The following DPYSL2 variants were observed in gnomAD, a reference collection of about 807,000 sequenced individuals.
DPYSL2 encodes the protein dihydropyrimidinase-related protein 2.
In DPYSL2, 13 loss-of-function variants were observed where a neutral mutation model predicts 69.9. That is an observed-to-expected ratio of 0.19 (90% confidence interval 0.12 to 0.30). The LOEUF is 0.30. DPYSL2 is among the 10% of genes least tolerant of loss of function. The pLI, the probability that DPYSL2 is intolerant of heterozygous loss-of-function variation, is 1.00. For missense variants in DPYSL2, 587 were observed against 918.9 expected (o/e 0.64, Z 4.67); for synonymous variants, 326 against 359.1 (o/e 0.91, Z 1.04).
intron 1 of DPYSL2, among the ~76,000 whole-genome samples, chr8:26,515,452 A>AG (rs1056446541): frequency 3.3e-5 from 5 of 152,228 alleles, no homozygotes; most frequent in African/African-American, 1.2e-4. Flanking sequence ...AGGGTCAAAA[A>AG]GACAAGAAAA....
At chr8:26,547,303 C>T (rs1270933427) in intron 1 of DPYSL2, among the ~76,000 whole-genome samples, 1 of 151,430 alleles carries the variant, frequency 6.6e-6, no homozygotes, top group Non-Finnish European at 1.5e-5. Flanking sequence ...GTGGAGGTTG[C>T]AGTGAGCCAA....
At chr8:26,567,960 C>T (rs751583195) in intron 1 of DPYSL2, among the ~76,000 whole-genome samples, 2 of 152,164 alleles carry the variant, frequency 1.3e-5, no homozygotes, top group East Asian at 1.9e-4. Context: ...GAGAGAACTC[C>T]TGAGCCCCGA....
intron 11 of DPYSL2, among the ~76,000 whole-genome samples, chr8:26,649,645 AG>A (rs1289673282): frequency 6.6e-6 from 1 of 152,236 alleles, no homozygotes; most frequent in African/African-American, 2.4e-5. Flanking sequence ...TTCCCTGCAT[AG>A]TACAGTGTTT....
At chr8:26,628,069 T>G (rs1039599768) in intron 7 of DPYSL2, 129 bp downstream of exon 7, 10 of 918,338 alleles carry the variant, frequency 1.1e-5, no homozygotes, top group Non-Finnish European at 1.5e-5. Context: ...TCTGAGAAGC[T>G]GTGGGTCACG....
chr8:26,524,050 G>T (rs1393242747), intron 1 of DPYSL2, among the ~76,000 whole-genome samples: 1 of 152,190 alleles, frequency 6.6e-6, no homozygotes, highest in African/African-American at 2.4e-5. Context: ...AAGTGGAATT[G>T]CTAGATAATT....
At chr8:26,655,206 A>G (rs906005878) in intron 13 of DPYSL2, among the ~76,000 whole-genome samples, 1 of 152,128 alleles carries the variant, frequency 6.6e-6, no homozygotes, top group African/African-American at 2.4e-5. Flanking sequence ...AGAAGAACAA[A>G]GAATGTGAGG....
intron 1 of DPYSL2, among the ~76,000 whole-genome samples, chr8:26,576,496 G>A (rs1274842847): frequency 6.6e-6 from 1 of 152,044 alleles, no homozygotes; most frequent in Non-Finnish European, 1.5e-5. Context: ...AACCTCCCAC[G>A]GGGGTTGGCC....
chr8:26,616,829 A>T (rs1281413859), intron 3 of DPYSL2, among the ~76,000 whole-genome samples: 3 of 151,648 alleles, frequency 2.0e-5, no homozygotes. Context: ...GTATAACCCC[A>T]AGGTGGGATC....
intron 3 of DPYSL2, among the ~76,000 whole-genome samples, chr8:26,622,261 TC>T (rs1418780729): frequency 6.6e-6 from 1 of 151,852 alleles, no homozygotes. Flanking sequence ...TGTCAACTTT[TC>T]TACATCAGCA....
intron 1 of DPYSL2, among the ~76,000 whole-genome samples, chr8:26,529,446 A>G (rs1235209972): frequency 1.3e-5 from 2 of 151,954 alleles, no homozygotes; most frequent in East Asian, 3.9e-4. Context: ...TTTCTTGAGT[A>G]GCTGGGACTA....
chr8:26,529,236 C>CTATCTATT (rs1800449050), intron 1 of DPYSL2, among the ~76,000 whole-genome samples: 1 of 82,800 alleles, frequency 1.2e-5, no homozygotes, highest in African/African-American at 3.5e-5. Flanking sequence ...AAATTTAAAT[C>CTATCTATT]TATCTATCTA....
At position 26,623,791 on chromosome 8, in the gene DPYSL2, C is replaced by T. The variant is rs996980858; in HGVS notation, c.629-352C>T. ...GGCGTCTCATAAGCTGCTTTCAACA[C>T]AAAGAAGGGTTTGGCTGCTCCCCGG... is the stretch of plus-strand genomic sequence containing the variant. On this transcript the variant is annotated intron_variant, in intron 3 of 13. Coordinates refer to ENST00000521913, the MANE Select transcript of DPYSL2 (RefSeq NM_001197293.3). 3 of 215,162 alleles carry T rather than the reference C, an allele frequency of 1.4e-5. No homozygotes were observed. The South Asian group carries it at 2.4e-4, about 17-fold the overall frequency. 13.3% of individuals were successfully genotyped at this position (215,162 alleles called of 1,614,324 possible). A position where few individuals can be genotyped will look rare whatever the true frequency, so the allele number is the denominator to read the frequency against.
chr8:26,528,659 A>G (rs921378151), intron 1 of DPYSL2, among the ~76,000 whole-genome samples: 1 of 151,790 alleles, frequency 6.6e-6, no homozygotes, highest in African/African-American at 2.4e-5. Flanking sequence ...AAAAAAAAGA[A>G]AGAAAAGAAA....
At chr8:26,557,500 C>T (rs2129651267) in intron 1 of DPYSL2, among the ~76,000 whole-genome samples, 1 of 151,840 alleles carries the variant, frequency 6.6e-6, no homozygotes, top group Admixed American at 6.6e-5. Context: ...ACAATTAGAA[C>T]AGGCATGGTG....
chr8:26,589,384 A>G (rs1441440674), intron 3 of DPYSL2, among the ~76,000 whole-genome samples: 1 of 151,934 alleles, frequency 6.6e-6, no homozygotes, highest in Non-Finnish European at 1.5e-5. Context: ...ACATTTTCCT[A>G]TTTCCTGCCG....
rs184006506 is a variant in DPYSL2 at position 26,653,712 on chromosome 8, C to T, written c.1942+315C>T. 2.7e-3 allele frequency among the ~76,000 whole-genome samples: 416 copies of T among 152,282 alleles called. 3 individuals carry two copies. The highest frequency in any genetic ancestry group is 9.5e-3 in the African/African-American group (395 of 41,566). ...AGCTGGGATTACAGGCATGCACCACCATACCTGGCTAATTTTTGTATTTTT... is the reference window on the plus strand; with the variant it reads ...AGCTGGGATTACAGGCATGCACCACTATACCTGGCTAATTTTTGTATTTTT... On this transcript the variant is annotated intron_variant, in intron 13 of 13. Coordinates refer to ENST00000521913, the MANE Select transcript of DPYSL2 (RefSeq NM_001197293.3). The surrounding 1 kb of genome is among the most constrained non-coding windows in gnomAD (Gnocchi z 5.7).
intron 1 of DPYSL2, among the ~76,000 whole-genome samples, chr8:26,528,022 T>C (rs1453510573): frequency 6.6e-6 from 1 of 152,142 alleles, no homozygotes; most frequent in Non-Finnish European, 1.5e-5. Flanking sequence ...CAGCCTTGTA[T>C]TGAACTCCTG....
chr8:26,611,968 A>G (rs928954452), intron 3 of DPYSL2, among the ~76,000 whole-genome samples: 5 of 152,232 alleles, frequency 3.3e-5, no homozygotes, highest in Non-Finnish European at 5.9e-5. Flanking sequence ...AGGTTGATGA[A>G]GCTGGGAGAA....
In DPYSL2 at chr8:26,652,178, T is replaced by G; in HGVS notation, c.1597-79T>G. The G allele has an allele frequency of 7.3e-7, 1 of 1,369,138 alleles. No homozygotes were observed. 84.8% of individuals were successfully genotyped at this position (1,369,138 alleles called of 1,614,324 possible). On this transcript the variant is annotated intron_variant, in intron 11 of 13. Coordinates refer to ENST00000521913, the MANE Select transcript of DPYSL2 (RefSeq NM_001197293.3). The surrounding 1 kb of genome is among the most constrained non-coding windows in gnomAD (Gnocchi z 6.3). ...GAGTCTCTCTTTTGTCTCTGTGGGG[T>G]TGGGGCAGTGGGTGCTGCCGGGTGG... is the stretch of plus-strand genomic sequence containing the variant.
Sources: gnomAD v4.1 joint callset for allele counts (sites outside exome capture counted in the v4.1 genomes callset) on GRCh38, gnomAD v4.1.1 for gene constraint, Gnocchi (gnomAD v3.1) non-coding constraint, MANE v1.5 for transcripts, NCBI Gene and HGNC (gene_info 2026-07-23, HGNC 2026-07-21) for gene names.